FAM120C: variants seen among roughly 807,000 people sequenced by gnomAD.
The protein encoded by FAM120C is constitutive coactivator of PPAR-gamma-like protein 2.
Under a neutral mutation model 71.2 loss-of-function variants are expected in FAM120C, and 14 were observed. That is an observed-to-expected ratio of 0.20 (90% CI 0.13 to 0.31). The LOEUF (loss-of-function observed/expected upper bound fraction) is 0.31. FAM120C is among the 10% of genes least tolerant of loss of function. The probability of loss-of-function intolerance (pLI) is 1.00; values close to 1 mark genes in which losing one functional copy is unlikely to be tolerated. For missense variants in FAM120C, 500 were observed against 879.0 expected (o/e 0.57, Z 5.45); for synonymous variants, 354 against 353.2 (o/e 1.00, Z -0.03).
intron 13 of FAM120C, among the ~76,000 whole-genome samples, chrX:54,081,774 G>GAAA (rs782044757): frequency 1.6e-5 from 1 of 61,462 alleles, no homozygotes; most frequent in Non-Finnish European, 3.1e-5. Flanking sequence ...ATTCTGTCTT[G>GAAA]AAAAAAAAAA....
Position 54,182,714 on chromosome X carries a change from C to G in FAM120C, c.485G>C (p.Gly162Ala), listed in dbSNP as rs1557137583. Residue 162 changes from glycine (G) to alanine (A), a missense_variant, in exon 1 of 16, where the codon GGC becomes GCC. This residue lies in a region of FAM120C where 45 missense variants were observed against 140.2 expected (regional missense o/e 0.32). Coordinates refer to ENST00000375180, the MANE Select transcript of FAM120C (RefSeq NM_017848.6). Reference sequence around the variant, plus strand: ...CATGACCACGAGCTCCAGGCCGTCGCCGCCAGGATAGGCACAAGCCTGGCA... The same window carrying G: ...CATGACCACGAGCTCCAGGCCGTCGGCGCCAGGATAGGCACAAGCCTGGCA... ...ALCQACAYPGGDGLELVVMFP... is the reference protein window; with the variant it reads ...ALCQACAYPGADGLELVVMFP... 8.3e-7 allele frequency: 1 copy of G among 1,208,574 alleles called. No homozygotes were observed. The highest frequency in any genetic ancestry group is 1.7e-5 in the African/African-American group (1 of 57,598).
chrX:54,081,784 A>AG (rs2066766970), intron 13 of FAM120C, among the ~76,000 whole-genome samples: 1 of 107,455 alleles, frequency 9.3e-6, no homozygotes, highest in African/African-American at 3.4e-5. Context: ...GAAAAAAAAA[A>AG]AAAAAAAGAA....
intron 1 of FAM120C, among the ~76,000 whole-genome samples, chrX:54,177,551 C>T (rs2067325101): frequency 9.0e-6 from 1 of 110,926 alleles, no homozygotes; most frequent in African/African-American, 3.3e-5. Context: ...AAAGAGAGTA[C>T]CAGAAGTGAA....
At chrX:54,140,503 C>T (rs1352693402) in intron 4 of FAM120C, among the ~76,000 whole-genome samples, 1 of 99,607 alleles carries the variant, frequency 1.0e-5, no homozygotes, top group Non-Finnish European at 2.0e-5. Context: ...ACCTGTAATC[C>T]CAGCTACTCA....
intron 4 of FAM120C, among the ~76,000 whole-genome samples, chrX:54,144,900 A>ACCGGACTT (rs1244883935): frequency 3.6e-5 from 4 of 111,683 alleles, no homozygotes; most frequent in African/African-American, 1.3e-4. Context: ...GCATCACACT[A>ACCGGACTT]CCTGACTTCA....
intron 3 of FAM120C, among the ~76,000 whole-genome samples, chrX:54,152,399 A>G (rs2067188521): frequency 9.0e-6 from 1 of 111,538 alleles, no homozygotes; most frequent in Non-Finnish European, 1.9e-5. Flanking sequence ...CTGGGATTAC[A>G]GGCACCTGCC....
rs189310284 is a variant in FAM120C at position 54,090,995 on chromosome X, G to C, written c.2427+317C>G. On this transcript the variant is annotated intron_variant, in intron 11 of 15. Coordinates refer to ENST00000375180, the MANE Select transcript of FAM120C (RefSeq NM_017848.6). ...AAAAGGAGGTGTGTCTGAGTAAATAGACACAAGCAGGGGACATTAGGATAT... is the reference window on the plus strand; with the variant it reads ...AAAAGGAGGTGTGTCTGAGTAAATACACACAAGCAGGGGACATTAGGATAT... Among the ~76,000 whole-genome samples, 324 of 111,780 alleles carry C rather than the reference G, an allele frequency of 2.9e-3. 3 individuals are homozygous for C. The highest frequency in any genetic ancestry group is 1.0e-2 in the African/African-American group (308 of 30,840).
chrX:54,143,781 C>T (rs933885166), intron 4 of FAM120C, among the ~76,000 whole-genome samples: 22 of 111,786 alleles, frequency 2.0e-4, no homozygotes, highest in Non-Finnish European at 3.9e-4. Context: ...TTCCAATCAA[C>T]AGAAAAAGAG....
intron 11 of FAM120C, among the ~76,000 whole-genome samples, chrX:54,089,157 G>A (rs2066811049): frequency 9.0e-6 from 1 of 111,036 alleles, no homozygotes; most frequent in Admixed American, 9.7e-5. Flanking sequence ...AACAACCTAA[G>A]TCGCCAATAT....
intron 10 of FAM120C, among the ~76,000 whole-genome samples, chrX:54,110,032 T>TC (rs2066928089): frequency 6.2e-5 from 6 of 96,790 alleles, no homozygotes; most frequent in South Asian, 5.4e-4. Context: ...TTTTTTTTTT[T>TC]CTGAGATGGA....
chrX:54,166,912 T>C (rs1442942620), intron 1 of FAM120C, among the ~76,000 whole-genome samples: 1 of 111,057 alleles, frequency 9.0e-6, no homozygotes, highest in Non-Finnish European at 1.9e-5. Context: ...GAATTATAAG[T>C]TAATCAAAAG....
At chrX:54,141,163 C>T (rs1557131606) in intron 4 of FAM120C, among the ~76,000 whole-genome samples, 1 of 111,329 alleles carries the variant, frequency 9.0e-6, no homozygotes, top group Non-Finnish European at 1.9e-5. Context: ...CTTGCCAACT[C>T]ATTTCATTAA....
rs1201107200 is a variant in FAM120C at position 54,106,642 on chromosome X, T to A, written c.2312+9903A>T. 2.7e-5 allele frequency among the ~76,000 whole-genome samples: 3 copies of A among 111,076 alleles called. No homozygotes were observed. In the Admixed American group the frequency reaches 2.9e-4, roughly 11 times the overall value. The stretch of plus-strand genomic sequence containing the variant: ...AGGCAACCTACAGAATGAGAGAAAA[T>A]TTTTGCAATCTATCCATCTAACAAA... On this transcript the variant is annotated intron_variant, in intron 10 of 15. Transcript: ENST00000375180.
intron 9 of FAM120C, among the ~76,000 whole-genome samples, chrX:54,117,369 TAAA>T (rs2066974883): frequency 1.2e-5 from 1 of 86,899 alleles, no homozygotes; most frequent in Non-Finnish European, 2.2e-5. Context: ...TAAAATAAAA[TAAA>T]ATAAAATAAA....
At position 54,132,911 on chromosome X, in the gene FAM120C, G is replaced by A. The variant is rs376247341; in HGVS notation, c.1891-48C>T. ...AAAAGGAAAAAATGAGTTACCTCAA[G>A]GTTTAGAACTGAGCTGAGAAGAGCC... On this transcript the variant is annotated intron_variant, in intron 8 of 15. Coordinates refer to ENST00000375180, the MANE Select transcript of FAM120C (RefSeq NM_017848.6). 5 of 1,053,797 alleles carry A rather than the reference G, an allele frequency of 4.7e-6. No individual in the cohort carries two copies. In the African/African-American group the frequency reaches 7.5e-5, roughly 16 times the overall value. 86.8% of individuals were successfully genotyped at this position (1,053,797 alleles called of 1,213,427 possible).
chrX:54,118,938 C>T (rs1676550255), intron 9 of FAM120C, among the ~76,000 whole-genome samples: 1 of 38,447 alleles, frequency 2.6e-5, no homozygotes, highest in Non-Finnish European at 4.5e-5. Context: ...TTGTTCAGTT[C>T]CCACCTATGA....
intron 10 of FAM120C, among the ~76,000 whole-genome samples, chrX:54,097,905 T>C (rs1475855580): frequency 9.0e-6 from 1 of 110,630 alleles, no homozygotes; most frequent in African/African-American, 3.3e-5. Flanking sequence ...TTTTTGTATT[T>C]TTAGTAGAGA....
At chrX:54,107,001 A>G (rs1459645733) in intron 10 of FAM120C, among the ~76,000 whole-genome samples, 1 of 111,950 alleles carries the variant, frequency 8.9e-6, no homozygotes, top group Non-Finnish European at 1.9e-5. Flanking sequence ...GTGATTCATA[A>G]GCTATTTTTA....
At chrX:54,142,991 C>T (rs1038564097) in intron 4 of FAM120C, among the ~76,000 whole-genome samples, 1 of 111,758 alleles carries the variant, frequency 8.9e-6, no homozygotes, top group Non-Finnish European at 1.9e-5. Context: ...CTGGAGTGGA[C>T]CTCCAGCAAA....
Sources: gnomAD v4.1 joint callset for allele counts (sites outside exome capture counted in the v4.1 genomes callset) on GRCh38, gnomAD v4.1.1 for gene constraint, gnomAD v4.1.1 regional missense constraint, MANE v1.5 for transcripts, NCBI Gene and HGNC (gene_info 2026-07-23, HGNC 2026-07-21) for gene names.